TLN2: variants seen among roughly 807,000 people sequenced by gnomAD.
TLN2 encodes talin 2.
In TLN2, 118 loss-of-function variants were observed where a neutral mutation model predicts 294.7. The observed-to-expected ratio is 0.40, with a 90% CI of 0.34 to 0.47. The LOEUF (loss-of-function observed/expected upper bound fraction) is 0.47. Ranked by LOEUF, TLN2 falls within the 20% of genes least tolerant of loss-of-function variation. The pLI, the probability that TLN2 is intolerant of heterozygous loss-of-function variation, is 0.84. For synonymous variants in TLN2, 1,431 were observed against 1,304.5 expected, an observed-to-expected ratio of 1.10 and a Z score of -2.09; for missense variants, 3,083 against 3,282.2, an observed-to-expected ratio of 0.94 and a Z score of 1.48.
chr15:62,668,686 G>A (rs1333560187), intron 9 of TLN2, among the ~76,000 whole-genome samples: 2 of 152,174 alleles, frequency 1.3e-5, no homozygotes, highest in African/African-American at 4.8e-5. Context: ...GGGCAACTTA[G>A]CATCGCTGAG....
chr15:62,480,795 T>C (rs969706934), intron 1 of TLN2, among the ~76,000 whole-genome samples: 1 of 152,128 alleles, frequency 6.6e-6, no homozygotes, highest in Admixed American at 6.5e-5. Context: ...CAATGTAATA[T>C]AAATTTTAGA....
chr15:62,762,161 T>C (rs867331005), intron 38 of TLN2, 111 bp from the exon 39 acceptor site: 3 of 1,249,850 alleles, frequency 2.4e-6, no homozygotes, highest in Non-Finnish European at 1.1e-6. Flanking sequence ...CCTCTTTGTC[T>C]CCTTCAAAGG....
chr15:62,620,552 C>T (rs1446114355), intron 3 of TLN2, among the ~76,000 whole-genome samples: 4 of 149,546 alleles, frequency 2.7e-5, no homozygotes, highest in Non-Finnish European at 5.9e-5. Flanking sequence ...GAACACAGCT[C>T]GCTGTAGCCT....
chr15:62,439,961 G>A (rs2035469788), intron 1 of TLN2, among the ~76,000 whole-genome samples: 2 of 152,142 alleles, frequency 1.3e-5, no homozygotes, highest in African/African-American at 4.8e-5. Context: ...TGAAACAGGG[G>A]CGATGATACC....
chr15:62,652,222 G>A (rs2052670848), intron 6 of TLN2, 88 bp downstream of exon 6: 1 of 1,375,518 alleles, frequency 7.3e-7, no homozygotes, highest in Admixed American at 2.5e-5. Context: ...TGATCTCTAG[G>A]CAACTTTGAA....
intron 37 of TLN2, among the ~76,000 whole-genome samples, chr15:62,760,402 A>G (rs529409152): frequency 6.6e-6 from 1 of 152,170 alleles, no homozygotes; most frequent in African/African-American, 2.4e-5. Flanking sequence ...CTCCCATCTC[A>G]GATCTGCTTT....
chr15:62,591,170 A>G (rs1461529830), intron 2 of TLN2, among the ~76,000 whole-genome samples: 2 of 152,220 alleles, frequency 1.3e-5, no homozygotes, highest in Non-Finnish European at 2.9e-5. Flanking sequence ...ATACTAAAAG[A>G]ATAGGATTAT....
intron 1 of TLN2, among the ~76,000 whole-genome samples, chr15:62,559,237 T>G (rs923972669): frequency 2.6e-5 from 4 of 152,204 alleles, no homozygotes; most frequent in Non-Finnish European, 5.9e-5. Flanking sequence ...TGCTGCATTT[T>G]ACTAGGATCA....
chr15:62,580,749 A>C (rs576035874), intron 1 of TLN2, among the ~76,000 whole-genome samples: 6 of 152,094 alleles, frequency 3.9e-5, no homozygotes, highest in African/African-American at 1.4e-4. Context: ...TTTGATTTGG[A>C]AAAATGTAGA....
At chr15:62,742,024 G>GTGTGT (rs1491242073) in intron 32 of TLN2, among the ~76,000 whole-genome samples, 1,703 of 82,218 alleles carry the variant, frequency 0.021, 96 homozygotes, top group East Asian at 0.037. Flanking sequence ...CTTGTAGTGG[G>GTGTGT]GTGTGTGTGT....
At chr15:62,579,713 C>CA (rs1207465673) in intron 1 of TLN2, among the ~76,000 whole-genome samples, 1 of 152,168 alleles carries the variant, frequency 6.6e-6, no homozygotes, top group Admixed American at 6.5e-5. Context: ...TTACAGATGA[C>CA]AGAGTTTCCA....
At chr15:62,599,540 C>G (rs1196846070) in intron 2 of TLN2, among the ~76,000 whole-genome samples, 1 of 152,220 alleles carries the variant, frequency 6.6e-6, no homozygotes, top group Non-Finnish European at 1.5e-5. Flanking sequence ...TGGCACAAAT[C>G]TATTTGGAAA....
At chr15:62,807,616 G>A (rs2066380273) in intron 51 of TLN2, among the ~76,000 whole-genome samples, 1 of 152,194 alleles carries the variant, frequency 6.6e-6, no homozygotes, top group Admixed American at 6.5e-5. Flanking sequence ...AGGGAATGCA[G>A]CTCAGATGTT....
At chr15:62,420,252 CTGTT>C (rs781446050) in intron 1 of TLN2, among the ~76,000 whole-genome samples, 8 of 152,196 alleles carry the variant, frequency 5.3e-5, no homozygotes, top group East Asian at 1.9e-4. Flanking sequence ...AAAGATAAGA[CTGTT>C]TGTGTTAAAT....
chr15:62,446,975 TTAA>T lies in TLN2; in HGVS notation c.-238+56293_-238+56295del, dbSNP rs1323011850. ...CGTGGATCATCAGTTCTGCAAGAAG[TTAA>T]TAGGGCTTCCTGAACAAATGGGTTT... On this transcript the variant is annotated intron_variant, in intron 1 of 58. Coordinates refer to ENST00000636159, the MANE Select transcript of TLN2 (RefSeq NM_015059.3). 1.1e-4 allele frequency among the ~76,000 whole-genome samples: 11 copies of T among 96,290 alleles called. No homozygotes were observed. In the Admixed American group the frequency reaches 1.3e-3, roughly 11 times the overall value. The allele number at this position is 96,290 out of a possible 152,430, so 63.2% of individuals were successfully genotyped here.
intron 1 of TLN2, among the ~76,000 whole-genome samples, chr15:62,470,622 C>T (rs1179975101): frequency 6.6e-6 from 1 of 152,220 alleles, no homozygotes; most frequent in Non-Finnish European, 1.5e-5. Flanking sequence ...AGGTGCTGGG[C>T]AGGTGAGAAT....
intron 32 of TLN2, among the ~76,000 whole-genome samples, chr15:62,744,427 A>T (rs1458490247): frequency 7.1e-6 from 1 of 140,324 alleles, no homozygotes; most frequent in African/African-American, 2.7e-5. Context: ...TTTTTTTTTT[A>T]AAGAGAGGCA....
intron 1 of TLN2, among the ~76,000 whole-genome samples, chr15:62,450,622 T>G (rs2036078858): frequency 3.9e-5 from 6 of 151,998 alleles, no homozygotes; most frequent in Admixed American, 3.9e-4. Context: ...ACATCTGGGC[T>G]GGAGTGCGGT....
chr15:62,636,534 G>C (rs1043977868), intron 3 of TLN2, among the ~76,000 whole-genome samples: 45 of 152,280 alleles, frequency 3.0e-4, no homozygotes, highest in African/African-American at 9.6e-4. Context: ...GGTTAACATA[G>C]ATAAGTGGCA....
Sources: allele counts gnomAD v4.1 joint callset (sites outside exome capture counted in the v4.1 genomes callset), GRCh38; gene constraint gnomAD v4.1.1; transcripts MANE v1.5; gene names NCBI Gene and HGNC (gene_info 2026-07-23, HGNC 2026-07-21).